Variants in ZNF786 observed in about 807,000 individuals in gnomAD.
ZNF786 encodes the protein zinc finger protein 786.
In ZNF786, 56 loss-of-function variants were observed where a neutral mutation model predicts 63.1. The observed-to-expected ratio is 0.89, with a 90% confidence interval of 0.72 to 1.11. The LOEUF (loss-of-function observed/expected upper bound fraction) is 1.11. Among genes scored for constraint, ZNF786 ranks in the 50% least tolerant of loss-of-function variants. The pLI, the probability that ZNF786 is intolerant of heterozygous loss-of-function variation, is 0.00. For missense variants in ZNF786, 1,213 were observed against 1,041.8 expected, an observed-to-expected ratio of 1.16 and a Z score of -2.26; for synonymous variants, 485 against 406.9, an observed-to-expected ratio of 1.19 and a Z score of -2.31.
chr7:149,076,974 TTACTG>T (rs1825562979), intron 2 of ZNF786, among the ~76,000 whole-genome samples: 1 of 152,176 alleles, frequency 6.6e-6, no homozygotes, highest in Non-Finnish European at 1.5e-5. Flanking sequence ...GTCTTCAACT[TTACTG>T]TATGTTACCA....
At chr7:149,086,934 C>G (rs774113929) in intron 1 of ZNF786, among the ~76,000 whole-genome samples, 7 of 151,924 alleles carry the variant, frequency 4.6e-5, no homozygotes, top group Non-Finnish European at 1.0e-4. Flanking sequence ...CAGCCTCCAC[C>G]TCCCAGGTTC....
At chr7:149,088,305 C>T (rs559302234) in intron 1 of ZNF786, among the ~76,000 whole-genome samples, 1 of 152,200 alleles carries the variant, frequency 6.6e-6, no homozygotes, top group Non-Finnish European at 1.5e-5. Context: ...GCCTGGCCTG[C>T]CCAGGCTTAT....
chr7:149,090,465 G>A (rs931956807), intron 1 of ZNF786, among the ~76,000 whole-genome samples, 158 bp downstream of exon 1: 1 of 152,216 alleles, frequency 6.6e-6, no homozygotes, highest in South Asian at 2.1e-4. Context: ...GCTCACCGCA[G>A]GGCCCGGAAT....
In ZNF786 at chr7:149,071,376, C is replaced by A; in HGVS notation, c.1396G>T (p.Gly466Ter). The A allele has an allele frequency of 6.2e-7, 1 of 1,613,288 alleles. No individual in the cohort carries two copies. The highest frequency in any genetic ancestry group is 8.5e-7 in the Non-Finnish European group (1 of 1,179,800). Reference sequence around the variant, plus strand: ...AGCCGCTGGTGCCGCAGCAGCTGTCCCCTCTGACGGAAGTTCCTGCCACAC... The same window carrying A: ...AGCCGCTGGTGCCGCAGCAGCTGTCACCTCTGACGGAAGTTCCTGCCACAC... Reference protein sequence around the residue: ...AKCGRNFRQRGQLLRHQRLHT... With the variant: ...AKCGRNFRQR The change falls in exon 4 of 4, where the codon GGA becomes TGA. Residue 466 changes from glycine to a stop codon, truncating the protein, a stop_gained. Transcript: ENST00000491431. LOFTEE classifies it high-confidence loss of function.
intron 1 of ZNF786, among the ~76,000 whole-genome samples, chr7:149,087,931 A>T (rs886263954): frequency 2.0e-5 from 3 of 151,466 alleles, no homozygotes; most frequent in Non-Finnish European, 4.4e-5. Flanking sequence ...CTAGGACCAC[A>T]GGGATATGCC....
intron 1 of ZNF786, among the ~76,000 whole-genome samples, chr7:149,082,160 T>C (rs1327071838): frequency 6.6e-6 from 1 of 152,176 alleles, no homozygotes; most frequent in Non-Finnish European, 1.5e-5. Flanking sequence ...GCTGTTCTCA[T>C]GATAGCGAGT....
intron 1 of ZNF786, among the ~76,000 whole-genome samples, chr7:149,088,257 C>T (rs1437181958): frequency 6.6e-6 from 1 of 152,132 alleles, no homozygotes; most frequent in Non-Finnish European, 1.5e-5. Context: ...CCCACCTGGA[C>T]CTCCCAAAGT....
chr7:149,070,580 G>A lies in ZNF786; in HGVS notation c.2192C>T (p.Pro731Leu). ...CTTCCCACAATCGCCACAGGCAAAG[G>A]GCCTCTCGGGCCTGTGGATGCGCTG... is the stretch of plus-strand genomic sequence containing the variant. ...RHQRIHRPER[P>L]FACGDCGKGF... The change falls in exon 4 of 4, where the codon CCC becomes CTC. Residue 731 changes from proline to leucine, a missense_variant. Pro to Leu is a moderately conservative substitution (Grantham distance 98). Transcript: ENST00000491431. 4 of 1,613,986 alleles carry A rather than the reference G, an allele frequency of 2.5e-6. No individual in the cohort carries two copies. Among genetic ancestry groups the A allele is most frequent in the Non-Finnish European group, 3.4e-6 (4 of 1,179,904 alleles).
At chr7:149,083,495 G>A (rs1278312508) in intron 1 of ZNF786, among the ~76,000 whole-genome samples, 6 of 152,172 alleles carry the variant, frequency 3.9e-5, no homozygotes, top group East Asian at 1.9e-4. Flanking sequence ...GATTACAGGC[G>A]TGATCCACCG....
chr7:149,082,951 A>C (rs1487887054), intron 1 of ZNF786, among the ~76,000 whole-genome samples: 1 of 151,812 alleles, frequency 6.6e-6, no homozygotes, highest in African/African-American at 2.4e-5. Context: ...GCTGGAGTGC[A>C]GTGGCGTGAT....
chr7:149,073,757 A>ATATATATATATATATATATATG (rs1825487438), intron 3 of ZNF786, among the ~76,000 whole-genome samples: 1 of 84,040 alleles, frequency 1.2e-5, no homozygotes, highest in African/African-American at 4.0e-5. Flanking sequence ...GTATATATAT[A>ATATATATATATATATATATATG]TATATATATA....
At position 149,071,878 on chromosome 7, in the gene ZNF786, G is replaced by A; in HGVS notation, c.894C>T (p.Cys298=). ...GGAGGGAGCGCTTGCCGCATGGGGT[G>A]CACTGGGCAGGCTTCTCCCCCTGCT... ...LPQQGEKPAQ[C]TPCGKRSLPV... The change falls in exon 4 of 4, where the codon TGC becomes TGT. Residue 298 remains cysteine, a synonymous_variant. Transcript: ENST00000491431. 4 of 1,601,784 alleles carry A rather than the reference G, an allele frequency of 2.5e-6. No homozygotes were observed. The highest frequency in any genetic ancestry group is 1.1e-5 in the South Asian group (1 of 90,736).
In ZNF786 at chr7:149,074,410, C is replaced by T. The variant is rs956243177; in HGVS notation, c.274G>A (p.Gly92Ser). Reference protein sequence around the residue: ...CSSVDMHFDPGFEEQLFWGSQ... With the variant: ...CSSVDMHFDPSFEEQLFWGSQ... ...CCCCAAAACAGCTGTTCCTCAAAAC[C>T]TGGATCAAAATGCATATCAACAGAG... Residue 92 changes from glycine (G) to serine (S), a missense_variant, in exon 3 of 4, where the codon GGT becomes AGT. Transcript: ENST00000491431. 1.2e-5 allele frequency: 19 copies of T among 1,613,858 alleles called. No homozygotes were observed. The highest frequency in any genetic ancestry group is 1.6e-5 in the Non-Finnish European group (19 of 1,179,820).
intron 2 of ZNF786, 58 bp downstream of exon 2, chr7:149,080,533 T>C: frequency 6.9e-7 from 1 of 1,459,716 alleles, no homozygotes; most frequent in Non-Finnish European, 9.1e-7. Context: ...ATCAAGTGAC[T>C]GTGACCCCTT....
At chr7:149,089,215 G>A (rs911711179) in intron 1 of ZNF786, among the ~76,000 whole-genome samples, 1 of 152,198 alleles carries the variant, frequency 6.6e-6, no homozygotes, top group East Asian at 1.9e-4. Flanking sequence ...GCCTCCCAAA[G>A]TGCTGGGATT....
rs573358348 is a variant in ZNF786, at chr7:149,071,559, G to C, written c.1213C>G (p.Arg405Gly). ...TGCAGCAGGCGGCGCAGGCGGAAGC[G>C]CTTGGTGCAATGCGCACACTGGAAG... ...KPFQCAHCTKRFRLRRLLQVH... is the reference protein window; with the variant it reads ...KPFQCAHCTKGFRLRRLLQVH... The change falls in exon 4 of 4, where the codon CGC becomes GGC. Residue 405 changes from arginine to glycine, a missense_variant. Arg to Gly is a moderately radical substitution (Grantham distance 125). Transcript: ENST00000491431. 1 of 1,612,540 alleles carries C rather than the reference G, an allele frequency of 6.2e-7. No individual in the cohort carries two copies. Among genetic ancestry groups the C allele is most frequent in the East Asian group, 2.2e-5 (1 of 44,868 alleles).
At chr7:149,073,760 T>TATATATATGTATATATATAC (rs1825488108) in intron 3 of ZNF786, among the ~76,000 whole-genome samples, 2 of 99,428 alleles carry the variant, frequency 2.0e-5, no homozygotes, top group Non-Finnish European at 4.1e-5. Context: ...TATATATATA[T>TATATATATGTATATATATAC]ATATATATAT....
chr7:149,088,821 T>C (rs1278603968), intron 1 of ZNF786, among the ~76,000 whole-genome samples: 1 of 152,226 alleles, frequency 6.6e-6, no homozygotes, highest in African/African-American at 2.4e-5. Flanking sequence ...ATAAATAATA[T>C]GGGAACTTTC....
chr7:149,080,905 C>T (rs144129435), intron 1 of ZNF786, among the ~76,000 whole-genome samples, 188 bp from the exon 2 acceptor site: 8 of 152,264 alleles, frequency 5.3e-5, no homozygotes, highest in East Asian at 3.9e-4. Flanking sequence ...CTACATCCCC[C>T]GCTCCACGTT....
Sources: allele counts gnomAD v4.1 joint callset (sites outside exome capture counted in the v4.1 genomes callset), GRCh38; gene constraint gnomAD v4.1.1; transcripts MANE v1.5; gene names NCBI Gene and HGNC (gene_info 2026-07-23, HGNC 2026-07-21).